ITPR2: variants seen among roughly 807,000 people sequenced by gnomAD.
The protein encoded by ITPR2 is inositol 1,4,5-trisphosphate-gated calcium channel ITPR2.
Under a neutral mutation model 317.1 loss-of-function variants are expected in ITPR2, and 207 were observed. The observed-to-expected ratio is 0.65, with a 90% CI of 0.58 to 0.73. ITPR2 has a LOEUF of 0.73. Among genes scored for constraint, ITPR2 ranks in the 30% least tolerant of loss-of-function variants. ITPR2 has a pLI of 0.00. For synonymous variants in ITPR2, 1,156 were observed against 1,149.1 expected (o/e 1.01, Z -0.12); for missense variants, 2,613 against 3,284.0 (o/e 0.80, Z 4.99).
chr12:26,693,422 G>T (rs1197985384), intron 10 of ITPR2, among the ~76,000 whole-genome samples: 2 of 152,122 alleles, frequency 1.3e-5, no homozygotes, highest in Non-Finnish European at 2.9e-5. Context: ...ACCCTATGTA[G>T]TCAACCCTCG....
At chr12:26,734,448 G>A (rs1444105730) in intron 2 of ITPR2, among the ~76,000 whole-genome samples, 6 of 152,104 alleles carry the variant, frequency 3.9e-5, no homozygotes, top group Non-Finnish European at 2.9e-5. Flanking sequence ...CTATCAATAC[G>A]ACAGAAGAGC....
In ITPR2 at chr12:26,426,827, T is replaced by TA. The variant is rs1286258684; in HGVS notation, c.6945+1085dup. Among the ~76,000 whole-genome samples the TA allele has an allele frequency of 1.1e-4, 17 of 151,058 alleles. No individual in the cohort carries two copies. In the South Asian group the frequency reaches 1.5e-3, roughly 13 times the overall value. On this transcript the variant is annotated intron_variant, in intron 49 of 56. Transcript: ENST00000381340. ...TTATTAATTCATTTTAATAAATAAA[T>TA]AAAATAAATACATTTTATTTATTAA... is the stretch of plus-strand genomic sequence containing the variant.
chr12:26,626,128 AT>A (rs1946619176), intron 23 of ITPR2, among the ~76,000 whole-genome samples: 1 of 151,978 alleles, frequency 6.6e-6, no homozygotes, highest in African/African-American at 2.4e-5. Context: ...CTACTGGCTA[AT>A]TTTTTTGTAT....
intron 28 of ITPR2, among the ~76,000 whole-genome samples, chr12:26,600,551 C>A (rs1945973212): frequency 6.6e-6 from 1 of 151,996 alleles, no homozygotes; most frequent in Non-Finnish European, 1.5e-5. Context: ...TAATTCTTCC[C>A]TTCCTTTAAA....
intron 1 of ITPR2, among the ~76,000 whole-genome samples, chr12:26,814,100 G>A (rs1950806377): frequency 6.6e-6 from 1 of 152,064 alleles, no homozygotes; most frequent in African/African-American, 2.4e-5. Flanking sequence ...GTTTTTTTCT[G>A]GAGTTTAGGG....
At chr12:26,730,484 T>TA (rs371656039) in intron 2 of ITPR2, among the ~76,000 whole-genome samples, 4 of 152,170 alleles carry the variant, frequency 2.6e-5, no homozygotes, top group South Asian at 2.1e-4. Flanking sequence ...ACTCAAGGAA[T>TA]AAAAAAAGGA....
chr12:26,439,013 T>A, intron 47 of ITPR2, 114 bp downstream of exon 47: 1 of 688,240 alleles, frequency 1.5e-6, no homozygotes, highest in South Asian at 2.0e-5. Flanking sequence ...TTCAGTAATA[T>A]CAGACCAGCA....
At chr12:26,534,432 G>A (rs975573326) in intron 37 of ITPR2, among the ~76,000 whole-genome samples, 1 of 152,130 alleles carries the variant, frequency 6.6e-6, no homozygotes, top group African/African-American at 2.4e-5. Flanking sequence ...AGCAAAAGAT[G>A]TAAAGAAATC....
chr12:26,686,017 G>T (rs1181810154), intron 11 of ITPR2, among the ~76,000 whole-genome samples: 1 of 152,170 alleles, frequency 6.6e-6, no homozygotes, highest in Non-Finnish European at 1.5e-5. Flanking sequence ...ATTTGAATGT[G>T]AGAATATAAC....
At chr12:26,809,601 T>C (rs1360816930) in intron 1 of ITPR2, among the ~76,000 whole-genome samples, 3 of 152,226 alleles carry the variant, frequency 2.0e-5, no homozygotes, top group African/African-American at 7.2e-5. Context: ...TCTCACTCTC[T>C]TTTATAATGT....
intron 37 of ITPR2, among the ~76,000 whole-genome samples, chr12:26,505,724 C>G (rs1943168840): frequency 6.6e-6 from 1 of 151,990 alleles, no homozygotes; most frequent in African/African-American, 2.4e-5. Flanking sequence ...ACCATTGATT[C>G]CAACACCTAG....
intron 55 of ITPR2, among the ~76,000 whole-genome samples, chr12:26,346,194 A>T (rs1329550590): frequency 6.6e-6 from 1 of 152,228 alleles, no homozygotes; most frequent in Non-Finnish European, 1.5e-5. Context: ...GGGCTCACAC[A>T]CCATGTCAAC....
intron 8 of ITPR2, among the ~76,000 whole-genome samples, chr12:26,713,437 A>G (rs181396199): frequency 6.6e-6 from 1 of 152,340 alleles, no homozygotes; most frequent in Non-Finnish European, 1.5e-5. Context: ...ATCAGCAGAT[A>G]AAAACATTTT....
At chr12:26,825,888 T>C (rs1043798047) in intron 1 of ITPR2, among the ~76,000 whole-genome samples, 1 of 152,206 alleles carries the variant, frequency 6.6e-6, no homozygotes, top group Admixed American at 6.5e-5. Flanking sequence ...TCCTCCACAG[T>C]GAACACACAT....
intron 46 of ITPR2, 150 bp downstream of exon 46, chr12:26,443,393 C>A (rs1941533662): frequency 3.8e-6 from 2 of 525,022 alleles, no homozygotes; most frequent in African/African-American, 2.0e-5. Flanking sequence ...CTATAAATCA[C>A]TCCTCACTCA....
chr12:26,481,057 T>TAAA, intron 43 of ITPR2, 74 bp downstream of exon 43: 1 of 807,418 alleles, frequency 1.2e-6, no homozygotes, highest in Non-Finnish European at 2.0e-6. Context: ...ATAATATGCT[T>TAAA]TTGACAAGAG....
intron 35 of ITPR2, among the ~76,000 whole-genome samples, chr12:26,559,442 T>C (rs1944752811): frequency 6.6e-6 from 1 of 152,228 alleles, no homozygotes; most frequent in African/African-American, 2.4e-5. Flanking sequence ...TCCTGGTTCA[T>C]AGAGGGTACT....
At chr12:26,598,030 C>A (rs980951639) in intron 30 of ITPR2, among the ~76,000 whole-genome samples, 2 of 152,122 alleles carry the variant, frequency 1.3e-5, no homozygotes, top group African/African-American at 4.8e-5. Context: ...ACAAATACTT[C>A]TTTGTGCACA....
intron 54 of ITPR2, among the ~76,000 whole-genome samples, chr12:26,393,841 A>T (rs1277312481): frequency 6.6e-6 from 1 of 152,250 alleles, no homozygotes; most frequent in Non-Finnish European, 1.5e-5. Context: ...ACCTGGAATC[A>T]GCACACCTGT....
Sources: allele counts gnomAD v4.1 joint callset (sites outside exome capture counted in the v4.1 genomes callset), GRCh38; gene constraint gnomAD v4.1.1; transcripts MANE v1.5; gene names NCBI Gene and HGNC (gene_info 2026-07-23, HGNC 2026-07-21).